The following SLIT1 variants were observed in gnomAD, a reference collection of about 807,000 sequenced individuals.
SLIT1 encodes the protein slit guidance ligand 1, also known as slit homolog 1 protein.
SLIT1 carries 66 observed loss-of-function variants against 186.1 expected under a neutral mutation model. The observed-to-expected ratio is 0.35, with a 90% CI of 0.29 to 0.44. The LOEUF (loss-of-function observed/expected upper bound fraction) is 0.44, where lower values mean the gene tolerates loss of function less well. SLIT1 is among the 20% of genes least tolerant of loss of function. The probability of loss-of-function intolerance (pLI) is 1.00; values close to 1 mark genes in which losing one functional copy is unlikely to be tolerated. For synonymous variants in SLIT1, 761 were observed against 833.8 expected (o/e 0.91, Z 1.50); for missense variants, 1,638 against 2,037.4 (o/e 0.80, Z 3.77).
intron 4 of SLIT1, among the ~76,000 whole-genome samples, chr10:97,123,846 A>C (rs544088741): frequency 5.9e-5 from 9 of 151,990 alleles, no homozygotes; most frequent in East Asian, 3.9e-4. Context: ...ACCCAGTCAC[A>C]AGATTCAACA....
intron 11 of SLIT1, among the ~76,000 whole-genome samples, chr10:97,057,516 C>T (rs941828482): frequency 1.6e-4 from 24 of 152,270 alleles, no homozygotes; most frequent in African/African-American, 5.8e-4. Context: ...CCCCTGACTC[C>T]AATCACTAAC....
At position 97,043,187 on chromosome 10, in the gene SLIT1, C is replaced by T; in HGVS notation, c.1998-120G>A. On this transcript the variant is annotated intron_variant, in intron 19 of 36. Transcript: ENST00000266058. The surrounding 1 kb of genome is among the most constrained non-coding windows in gnomAD (Gnocchi z 7.0). ...CCACATGGCACTGTCTCCCAGACCA[C>T]CACCCATCACCAAGAGGACCGGCTC... 1 of 1,322,622 alleles carries T rather than the reference C, an allele frequency of 7.6e-7. No homozygotes were observed. The highest frequency in any genetic ancestry group is 1.5e-5 in the African/African-American group (1 of 68,808). 81.9% of individuals were successfully genotyped at this position (1,322,622 alleles called of 1,614,324 possible).
chr10:97,095,225 G>A (rs1236411489), intron 4 of SLIT1, among the ~76,000 whole-genome samples: 2 of 152,244 alleles, frequency 1.3e-5, no homozygotes, highest in Non-Finnish European at 2.9e-5. Context: ...GGAGGTTGCA[G>A]TGAGCAGAGA....
intron 25 of SLIT1, among the ~76,000 whole-genome samples, chr10:97,027,041 C>T (rs1426496594): frequency 6.6e-6 from 1 of 152,178 alleles, no homozygotes; most frequent in South Asian, 2.1e-4. Flanking sequence ...CTCCACACTG[C>T]GAGTGGACAG....
intron 24 of SLIT1, 131 bp from the exon 25 acceptor site, chr10:97,030,959 T>C: frequency 1.4e-6 from 1 of 728,308 alleles, no homozygotes. Context: ...GTCAGTGACC[T>C]GAAGGAGATG....
rs550898230 is a variant in SLIT1, at chr10:97,128,270, C to T, written c.413+29548G>A. On this transcript the variant is annotated intron_variant, in intron 4 of 36. Transcript: ENST00000266058. ...CTGAGCCAGGGAGTCCCAGGGGGCT[C>T]TTCATCACATTTGAGACACAAACCT... Among the ~76,000 whole-genome samples the T allele has an allele frequency of 1.3e-3, 201 of 152,260 alleles. 2 individuals are homozygous for T. The highest frequency in any genetic ancestry group is 4.6e-3 in the African/African-American group (191 of 41,546).
intron 3 of SLIT1, among the ~76,000 whole-genome samples, chr10:97,162,919 G>GAATCAGGAC (rs1253379329): frequency 2.0e-5 from 3 of 152,124 alleles, no homozygotes; most frequent in East Asian, 3.9e-4. Flanking sequence ...CAAACCATGT[G>GAATCAGGAC]AATCAGGACA....
intron 1 of SLIT1, among the ~76,000 whole-genome samples, chr10:97,181,022 G>A (rs1172044454): frequency 2.0e-5 from 3 of 152,212 alleles, no homozygotes; most frequent in Non-Finnish European, 4.4e-5. Flanking sequence ...AGCGTGGCAC[G>A]CTGCCTCACT....
In SLIT1 at chr10:97,164,713, A is replaced by G; in HGVS notation, c.269+106T>C. On this transcript the variant is annotated intron_variant, in intron 2 of 36. Transcript: ENST00000266058. ...GTCTTGCCAAGACTGACTCCGTGGT[A>G]GAGGGGCCCAGACAGCCCACCACCC... 3.7e-6 allele frequency: 3 copies of G among 814,778 alleles called. No individual in the cohort carries two copies. The South Asian group carries it at 4.2e-5, about 11-fold the overall frequency. The allele number at this position is 814,778 out of a possible 1,614,324, so 50.5% of individuals were successfully genotyped here. A position where few individuals can be genotyped will look rare whatever the true frequency, so the allele number is the denominator to read the frequency against.
chr10:97,142,220 G>A (rs779964803), intron 4 of SLIT1, among the ~76,000 whole-genome samples: 3 of 151,778 alleles, frequency 2.0e-5, no homozygotes, highest in South Asian at 2.1e-4. Flanking sequence ...CATACCTCCC[G>A]ATTTCAAAAC....
rs1028955182 is a variant in SLIT1, at chr10:96,999,801, A to G, written c.*1311T>C. On this transcript the variant is annotated 3_prime_UTR_variant, in exon 37 of 37. Transcript: ENST00000266058. ...GTGGCTGGAGCCCCCACTCAGCTCAACTCTTCCCGGGCATCCTGGTCATTC... is the reference window on the plus strand; with the variant it reads ...GTGGCTGGAGCCCCCACTCAGCTCAGCTCTTCCCGGGCATCCTGGTCATTC... 1 of 152,018 alleles carries G rather than the reference A, an allele frequency of 6.6e-6. No homozygotes were observed. The highest frequency in any genetic ancestry group is 6.6e-5 in the Admixed American group (1 of 15,264). The allele number at this position is 152,018 out of a possible 1,614,324, so 9.4% of individuals were successfully genotyped here.
chr10:97,022,959 T>C lies in SLIT1; in HGVS notation c.2583-1546A>G, dbSNP rs1335863116. On this transcript the variant is annotated intron_variant, in intron 25 of 36. Coordinates refer to ENST00000266058, the MANE Select transcript of SLIT1 (RefSeq NM_003061.3). This position sits in a 1 kb window ranked among gnomAD's most constrained non-coding sequence, Gnocchi z 4.2. ...CTCATTGTGTCCAACTGTTCCGCAA[T>C]ATCCCAGAGTGGATATCCCATGGCA... Among the ~76,000 whole-genome samples, 1 of 152,206 alleles carries C rather than the reference T, an allele frequency of 6.6e-6. No individual in the cohort carries two copies. Among genetic ancestry groups the C allele is most frequent in the African/African-American group, 2.4e-5 (1 of 41,452 alleles).
At chr10:97,138,752 C>T (rs1205596184) in intron 4 of SLIT1, among the ~76,000 whole-genome samples, 2 of 152,028 alleles carry the variant, frequency 1.3e-5, no homozygotes, top group Non-Finnish European at 1.5e-5. Context: ...ATGAGGAAGG[C>T]GATTATGCTG....
chr10:97,166,541 A>AGGAC (rs1850110895), intron 1 of SLIT1, among the ~76,000 whole-genome samples: 1 of 24,016 alleles, frequency 4.2e-5, no homozygotes, highest in African/African-American at 8.3e-5. Context: ...GAAGGAAGGA[A>AGGAC]GGAAGGAAGG....
Position 97,020,721 on chromosome 10 carries a change from T to C in SLIT1, c.2746+529A>G, listed in dbSNP as rs1039079801. On this transcript the variant is annotated intron_variant, in intron 26 of 36. Coordinates refer to ENST00000266058, the MANE Select transcript of SLIT1 (RefSeq NM_003061.3). ...CGGCCACTCAGCCACCTGTCTGTGC[T>C]CAGCAGGGCTTCTGGGGCTTGAGCT... 3.9e-5 allele frequency among the ~76,000 whole-genome samples: 6 copies of C among 152,270 alleles called. No individual in the cohort carries two copies. In the East Asian group the frequency reaches 1.2e-3, roughly 29 times the overall value.
intron 4 of SLIT1, among the ~76,000 whole-genome samples, chr10:97,099,784 G>C (rs561657635): frequency 1.3e-5 from 2 of 152,184 alleles, no homozygotes; most frequent in Admixed American, 1.3e-4. Context: ...CAGAGACCCC[G>C]GGCAGTGCCC....
chr10:97,179,443 C>T (rs1328139666), intron 1 of SLIT1, among the ~76,000 whole-genome samples: 2 of 152,126 alleles, frequency 1.3e-5, no homozygotes, highest in African/African-American at 4.8e-5. Flanking sequence ...ATCATCTCAT[C>T]TTAACTTCAC....
rs774130273 is a variant in SLIT1, at chr10:97,002,240, C to G, written c.4284G>C (p.Leu1428=). ...TGCCTGAGGCCTGGCAGTGGCCATG[C>G]AGGCACTGCAGGCCTCTGCAGGGCT... ...LAEPCRGLQC[L]HGHCQASGTK... The change falls in exon 36 of 37, where the codon CTG becomes CTC. Residue 1428 remains leucine (L), a synonymous_variant. Transcript: ENST00000266058. 2.5e-6 allele frequency: 4 copies of G among 1,593,812 alleles called. No homozygotes were observed. In the African/African-American group the frequency reaches 5.4e-5, roughly 21 times the overall value.
chr10:97,007,283 A>G (rs1465299573), intron 31 of SLIT1, among the ~76,000 whole-genome samples: 1 of 152,182 alleles, frequency 6.6e-6, no homozygotes, highest in East Asian at 1.9e-4. Flanking sequence ...ATATGAATAG[A>G]CCTATAACTA....
Sources: gnomAD v4.1 joint callset for allele counts (sites outside exome capture counted in the v4.1 genomes callset) on GRCh38, gnomAD v4.1.1 for gene constraint, Gnocchi (gnomAD v3.1) non-coding constraint, MANE v1.5 for transcripts, NCBI Gene and HGNC (gene_info 2026-07-23, HGNC 2026-07-21) for gene names.